Variants in AGBL1 observed in about 807,000 individuals in gnomAD.
The protein encoded by AGBL1 is cytosolic carboxypeptidase 4.
Under a neutral mutation model 118.9 loss-of-function variants are expected in AGBL1, and 130 were observed. That is an observed-to-expected ratio of 1.09 (90% CI 0.95 to 1.26). AGBL1 has a LOEUF of 1.26. AGBL1 is among the 50% of genes most tolerant of loss of function. The pLI is 0.00. For synonymous variants in AGBL1, 555 were observed against 478.9 expected, an observed-to-expected ratio of 1.16 and a Z score of -2.08; for missense variants, 1,584 against 1,298.1, an observed-to-expected ratio of 1.22 and a Z score of -3.38.
chr15:86,240,639 C>G (rs141543391), intron 6 of AGBL1, among the ~76,000 whole-genome samples: 125 of 152,220 alleles, frequency 8.2e-4, no homozygotes, highest in African/African-American at 2.9e-3. Flanking sequence ...TTCAATCCCC[C>G]CAGTTGCATG....
chr15:86,798,190 G>A (rs188069066), intron 22 of AGBL1, among the ~76,000 whole-genome samples: 2 of 152,194 alleles, frequency 1.3e-5, no homozygotes, highest in African/African-American at 4.8e-5. Flanking sequence ...AAAAACAACC[G>A]ATTCCACCAC....
chr15:86,622,798 T>G (rs2084832613), intron 21 of AGBL1, among the ~76,000 whole-genome samples: 1 of 152,200 alleles, frequency 6.6e-6, no homozygotes, highest in Non-Finnish European at 1.5e-5. Flanking sequence ...TACTTTATTT[T>G]TATTAATATT....
intron 18 of AGBL1, among the ~76,000 whole-genome samples, chr15:86,471,137 T>C (rs539547588): frequency 6.6e-6 from 1 of 152,308 alleles, no homozygotes; most frequent in East Asian, 1.9e-4. Context: ...TTTTTACCAC[T>C]GAATATAATG....
intron 5 of AGBL1, among the ~76,000 whole-genome samples, chr15:86,188,761 A>T (rs2077671715): frequency 6.6e-6 from 1 of 152,324 alleles, no homozygotes; most frequent in African/African-American, 2.4e-5. Context: ...GTACATCTTG[A>T]TATACTGTTG....
chr15:86,224,791 G>GCCT, intron 5 of AGBL1, 123 bp from the exon 6 acceptor site: 3 of 860,320 alleles, frequency 3.5e-6, no homozygotes, highest in Non-Finnish European at 5.7e-6. Context: ...TCAATAGATT[G>GCCT]CCTGCTACCT....
intron 22 of AGBL1, among the ~76,000 whole-genome samples, chr15:86,718,153 C>T (rs1402167545): frequency 6.6e-6 from 1 of 152,076 alleles, no homozygotes; most frequent in Non-Finnish European, 1.5e-5. Context: ...AACAAAACAG[C>T]CAGAGCCAGA....
chr15:86,096,060 A>T (rs1896360241), intron 1 of AGBL1, among the ~76,000 whole-genome samples: 1 of 152,084 alleles, frequency 6.6e-6, no homozygotes, highest in Non-Finnish European at 1.5e-5. Flanking sequence ...TATACATTAA[A>T]ATTTTTTTGT....
Position 86,883,972 on chromosome 15 carries a change from A to G in AGBL1, c.3159-23115A>G, listed in dbSNP as rs561756631. 7.9e-5 allele frequency among the ~76,000 whole-genome samples: 12 copies of G among 152,246 alleles called. No individual in the cohort carries two copies. In the South Asian group the frequency reaches 2.1e-3, roughly 26 times the overall value. On this transcript the variant is annotated intron_variant, in intron 22 of 22. Transcript: ENST00000614907. The stretch of plus-strand genomic sequence containing the variant: ...GTGGATGCCTGAAACTGCAGATAGT[A>G]CTGAACTCTATATATACTATGCACT...
At chr15:86,226,329 T>A (rs965794475) in intron 6 of AGBL1, among the ~76,000 whole-genome samples, 1 of 152,164 alleles carries the variant, frequency 6.6e-6, no homozygotes, top group African/African-American at 2.4e-5. Flanking sequence ...GAGGAAAAGA[T>A]GCTGAGAGCA....
chr15:86,194,171 T>C (rs1236589845), intron 5 of AGBL1, among the ~76,000 whole-genome samples: 1 of 152,254 alleles, frequency 6.6e-6, no homozygotes, highest in Non-Finnish European at 1.5e-5. Context: ...GAAGTACATC[T>C]GCACTTTCTC....
At chr15:86,213,463 C>T (rs367903284) in intron 5 of AGBL1, among the ~76,000 whole-genome samples, 1 of 152,162 alleles carries the variant, frequency 6.6e-6, no homozygotes, top group South Asian at 2.1e-4. Flanking sequence ...AGGTCCCACC[C>T]TAGACCTCCT....
chr15:86,938,862 G>A (rs2080711328), intron 23 of AGBL1: 1 of 152,090 alleles, frequency 6.6e-6, no homozygotes, highest in Non-Finnish European at 1.5e-5. Context: ...CTTTTTACTG[G>A]AGAACTGCAC....
rs2080104211 is a variant in AGBL1, at chr15:86,321,473, A to G, written c.2374+26065A>G. Reference sequence around the variant, plus strand: ...TTCATACCTTATTCTTTTCTGATATAAAAATTTCAGAGAGGCCGGGTGCAG... The same window carrying G: ...TTCATACCTTATTCTTTTCTGATATGAAAATTTCAGAGAGGCCGGGTGCAG... On this transcript the variant is annotated intron_variant, in intron 17 of 22. Coordinates refer to ENST00000614907, the MANE Select transcript of AGBL1 (RefSeq NM_001386094.1). 3.9e-5 allele frequency among the ~76,000 whole-genome samples: 6 copies of G among 152,172 alleles called. No homozygotes were observed. In the South Asian group the frequency reaches 1.2e-3, roughly 32 times the overall value.
At chr15:86,932,689 A>G (rs1411193724) in intron 23 of AGBL1, among the ~76,000 whole-genome samples, 2 of 152,204 alleles carry the variant, frequency 1.3e-5, no homozygotes, top group Non-Finnish European at 2.9e-5. Context: ...AATGACATCA[A>G]CTATGGCTGA....
intron 17 of AGBL1, among the ~76,000 whole-genome samples, chr15:86,343,071 GT>G (rs916261335): frequency 3.9e-5 from 6 of 152,018 alleles, no homozygotes; most frequent in Non-Finnish European, 8.8e-5. Context: ...ATAAAGGTGG[GT>G]TTTTACATTT....
intron 22 of AGBL1, among the ~76,000 whole-genome samples, chr15:86,883,127 T>C (rs2079919541): frequency 6.6e-6 from 1 of 152,224 alleles, no homozygotes; most frequent in Non-Finnish European, 1.5e-5. Context: ...ATATTATTAT[T>C]TAAAACATTG....
chr15:86,302,844 G>C (rs2079775231), intron 17 of AGBL1, among the ~76,000 whole-genome samples: 1 of 151,458 alleles, frequency 6.6e-6, no homozygotes, highest in African/African-American at 2.4e-5. Flanking sequence ...ATTGTGGAAT[G>C]AGTATGGGGA....
intron 22 of AGBL1, among the ~76,000 whole-genome samples, chr15:86,791,728 T>TATATATATATA (rs1177264209): frequency 0.025 from 3,500 of 142,444 alleles, 58 homozygotes; most frequent in Non-Finnish European, 0.034. Context: ...TCCTTGTTTT[T>TATATATATATA]TATATATATA....
intron 17 of AGBL1, among the ~76,000 whole-genome samples, chr15:86,341,861 CTTTTT>C (rs949888091): frequency 1.3e-5 from 2 of 151,750 alleles, no homozygotes; most frequent in African/African-American, 4.8e-5. Context: ...AATAGTAACA[CTTTTT>C]TTTAAGACCA....
Sources: gnomAD v4.1 joint callset for allele counts (sites outside exome capture counted in the v4.1 genomes callset) on GRCh38, gnomAD v4.1.1 for gene constraint, MANE v1.5 for transcripts, NCBI Gene and HGNC (gene_info 2026-07-23, HGNC 2026-07-21) for gene names.